MAF: variants seen among roughly 807,000 people sequenced by gnomAD.
MAF encodes MAF bZIP transcription factor.
In MAF, 10 loss-of-function variants were observed where a neutral mutation model predicts 22.0. That is an observed-to-expected ratio of 0.45 (90% CI 0.28 to 0.77). The LOEUF (loss-of-function observed/expected upper bound fraction) is 0.77, where lower values mean the gene tolerates loss of function less well. MAF is among the 30% of genes least tolerant of loss of function. The pLI is 0.12. For missense variants in MAF, 544 were observed against 548.4 expected, an observed-to-expected ratio of 0.99 and a Z score of 0.08; for synonymous variants, 337 against 255.8, an observed-to-expected ratio of 1.32 and a Z score of -3.03.
the MAF span, among the ~76,000 whole-genome samples, chr16:79,380,050 C>T: frequency 6.6e-6 from 1 of 152,194 alleles, no homozygotes; most frequent in Non-Finnish European, 1.5e-5. Context: ...AGGCAAACAA[C>T]AGGTTTGGCA....
At chr16:79,323,486 G>T in the MAF span, among the ~76,000 whole-genome samples, 1 of 152,136 alleles carries the variant, frequency 6.6e-6, no homozygotes, top group East Asian at 1.9e-4. Flanking sequence ...ATTAAAAGAA[G>T]GGAAAGGAAT....
the MAF span, among the ~76,000 whole-genome samples, chr16:79,364,231 C>T: frequency 6.6e-6 from 1 of 152,024 alleles, no homozygotes; most frequent in South Asian, 2.1e-4. Context: ...TTTTAGAAAA[C>T]GAATCCAAGA....
At chr16:79,406,419 A>G in the MAF span, among the ~76,000 whole-genome samples, 1 of 152,190 alleles carries the variant, frequency 6.6e-6, no homozygotes, top group Non-Finnish European at 1.5e-5. Flanking sequence ...GGGAAGTCTA[A>G]GATCAAGGAG....
chr16:79,561,649 A>T, the MAF span, among the ~76,000 whole-genome samples: 769 of 152,200 alleles, frequency 5.1e-3, 6 homozygotes, highest in African/African-American at 0.017. Context: ...AACATTTTAC[A>T]CTGGAACCTT....
At chr16:79,258,596 T>G in the MAF span, among the ~76,000 whole-genome samples, 1 of 152,220 alleles carries the variant, frequency 6.6e-6, no homozygotes, top group African/African-American at 2.4e-5. Context: ...AAGCCATTTA[T>G]CCCACTCTCC....
chr16:79,378,972 A>G, the MAF span, among the ~76,000 whole-genome samples: 2 of 152,256 alleles, frequency 1.3e-5, no homozygotes, highest in African/African-American at 4.8e-5. Context: ...AATTTGGATT[A>G]GAGTAAAATT....
the MAF span, among the ~76,000 whole-genome samples, chr16:79,289,024 C>T: frequency 6.6e-6 from 1 of 152,208 alleles, no homozygotes; most frequent in Non-Finnish European, 1.5e-5. Context: ...GCCACTGCAC[C>T]CAGCCTGTTT....
At chr16:79,379,226 T>C in the MAF span, among the ~76,000 whole-genome samples, 2 of 152,174 alleles carry the variant, frequency 1.3e-5, no homozygotes, top group African/African-American at 4.8e-5. Context: ...AATAGATTGG[T>C]TGTGTCTACC....
At chr16:79,526,658 A>C in the MAF span, among the ~76,000 whole-genome samples, 1 of 152,178 alleles carries the variant, frequency 6.6e-6, no homozygotes, top group Non-Finnish European at 1.5e-5. Flanking sequence ...AAAACAAAAC[A>C]AAACAACAAC....
chr16:79,372,118 T>C, the MAF span, among the ~76,000 whole-genome samples: 1 of 149,676 alleles, frequency 6.7e-6, no homozygotes, highest in African/African-American at 2.5e-5. Flanking sequence ...TTTCAGGCTA[T>C]AATTTCCTTG....
the MAF span, among the ~76,000 whole-genome samples, chr16:79,506,710 G>A: frequency 5.3e-5 from 8 of 152,286 alleles, no homozygotes; most frequent in African/African-American, 9.6e-5. Flanking sequence ...CACCTAGAGG[G>A]GCATGGGTCT....
chr16:79,243,513 C>G, the MAF span, among the ~76,000 whole-genome samples: 1 of 151,892 alleles, frequency 6.6e-6, no homozygotes, highest in Non-Finnish European at 1.5e-5. Flanking sequence ...AAGTCTAAAC[C>G]TGGAAGAAGT....
At chr16:79,355,435 C>G in the MAF span, among the ~76,000 whole-genome samples, 2 of 152,186 alleles carry the variant, frequency 1.3e-5, no homozygotes, top group African/African-American at 4.8e-5. Flanking sequence ...AGAGAAGTGG[C>G]TCTGAGGTCC....
chr16:79,431,501 T>C, the MAF span, among the ~76,000 whole-genome samples: 1 of 152,254 alleles, frequency 6.6e-6, no homozygotes, highest in East Asian at 1.9e-4. Flanking sequence ...ATTCCTGGGT[T>C]CTTTACTCAT....
At chr16:79,439,737 G>T in the MAF span, among the ~76,000 whole-genome samples, 6 of 152,200 alleles carry the variant, frequency 3.9e-5, no homozygotes, top group Non-Finnish European at 8.8e-5. Context: ...AGTGAGGACA[G>T]AAGATGACAA....
At chr16:79,225,479 G>A in the MAF span, among the ~76,000 whole-genome samples, 1 of 152,154 alleles carries the variant, frequency 6.6e-6, no homozygotes, top group African/African-American at 2.4e-5. Context: ...AAGACTTCAT[G>A]ACTAAAACAG....
the MAF span, among the ~76,000 whole-genome samples, chr16:79,304,564 G>C: frequency 2.0e-5 from 3 of 152,040 alleles, no homozygotes; most frequent in Non-Finnish European, 4.4e-5. Flanking sequence ...CCATAAGTTG[G>C]AGACAAAAGG....
At chr16:79,212,783 T>A in the MAF span, 28 of 152,304 alleles carry the variant, frequency 1.8e-4, no homozygotes, top group East Asian at 5.2e-3. Context: ...GCGCTTCTCG[T>A]AGATGCCAGG....
At chr16:79,453,228 A>G in the MAF span, among the ~76,000 whole-genome samples, 1 of 152,164 alleles carries the variant, frequency 6.6e-6, no homozygotes, top group Admixed American at 6.5e-5. Flanking sequence ...TCTCTACTCT[A>G]GCAATAATGG....
Sources: allele counts gnomAD v4.1 joint callset (sites outside exome capture counted in the v4.1 genomes callset), GRCh38; gene constraint gnomAD v4.1.1; transcripts MANE v1.5; gene names NCBI Gene and HGNC (gene_info 2026-07-23, HGNC 2026-07-21).